Variants in PBRM1 observed in about 807,000 individuals in gnomAD.
PBRM1 encodes the protein polybromo 1.
PBRM1 carries 27 observed loss-of-function variants against 194.5 expected under a neutral mutation model. That is an observed-to-expected ratio of 0.14 (90% confidence interval 0.10 to 0.19). PBRM1 has a LOEUF of 0.19. Ranked by LOEUF, PBRM1 falls within the 10% of genes least tolerant of loss-of-function variation. PBRM1 has a pLI of 1.00. For missense variants in PBRM1, 1,466 were observed against 2,077.2 expected (o/e 0.71, Z 5.72); for synonymous variants, 655 against 693.2 (o/e 0.94, Z 0.87).
intron 10 of PBRM1, among the ~76,000 whole-genome samples, chr3:52,641,464 G>GAAAAAAAAAAAAA (rs560822967): frequency 9.5e-6 from 1 of 104,862 alleles, no homozygotes; most frequent in Admixed American, 1.0e-4. Context: ...AAAAAAAAAA[G>GAAAAAAAAAAAAA]AAAAAAAAAA....
At chr3:52,549,023 G>GTTT (rs530711822) in intron 29 of PBRM1, among the ~76,000 whole-genome samples, 2 of 138,372 alleles carry the variant, frequency 1.4e-5, no homozygotes, top group Admixed American at 7.3e-5. Context: ...AGGTAAAATA[G>GTTT]TTTTTTTTTT....
At chr3:52,677,112 CAT>C (rs1342662750) in intron 2 of PBRM1, among the ~76,000 whole-genome samples, 1 of 152,138 alleles carries the variant, frequency 6.6e-6, no homozygotes, top group Non-Finnish European at 1.5e-5. Flanking sequence ...AATACAAAAA[CAT>C]AGGGGAAAAG....
intron 5 of PBRM1, among the ~76,000 whole-genome samples, chr3:52,657,916 C>T (rs906827900): frequency 8.5e-5 from 13 of 152,078 alleles, no homozygotes; most frequent in Non-Finnish European, 1.8e-4. Flanking sequence ...CTCACCCTCC[C>T]GAGTAGCTGG....
At chr3:52,630,456 A>G (rs1486926088) in intron 11 of PBRM1, among the ~76,000 whole-genome samples, 2 of 152,268 alleles carry the variant, frequency 1.3e-5, no homozygotes, top group African/African-American at 4.8e-5. Context: ...CACTAGCCAC[A>G]TTTCAAGTGC....
intron 12 of PBRM1, 33 bp from the exon 14 acceptor site, chr3:52,627,403 A>ACGCC: frequency 7.5e-7 from 1 of 1,334,280 alleles, no homozygotes; most frequent in Non-Finnish European, 1.1e-6. Flanking sequence ...AGTTGAGCTC[A>ACGCC]TGTGCCAAAC....
At chr3:52,571,287 C>T (rs1173821380) in intron 22 of PBRM1, among the ~76,000 whole-genome samples, 2 of 142,498 alleles carry the variant, frequency 1.4e-5, no homozygotes, top group Non-Finnish European at 3.0e-5. Flanking sequence ...TGTGCCACTG[C>T]ACTGCAGCCT....
At chr3:52,573,609 T>G (rs753294194) in intron 22 of PBRM1, among the ~76,000 whole-genome samples, 9 of 152,194 alleles carry the variant, frequency 5.9e-5, no homozygotes, top group Non-Finnish European at 1.3e-4. Flanking sequence ...TGTAACACAT[T>G]CTAACAGGCA....
chr3:52,638,985 T>TGGG (rs1560631347), intron 10 of PBRM1, among the ~76,000 whole-genome samples: 50 of 47,778 alleles, frequency 1.0e-3, no homozygotes, highest in African/African-American at 3.8e-3. Flanking sequence ...ACATTTTTTT[T>TGGG]TGGGGGGGGG....
chr3:52,661,734 A>G (rs574982239), intron 4 of PBRM1, among the ~76,000 whole-genome samples: 3 of 152,230 alleles, frequency 2.0e-5, no homozygotes, highest in Non-Finnish European at 4.4e-5. Context: ...GGTTCTAGGA[A>G]CAGTAACTAT....
At chr3:52,576,805 G>A (rs529892166) in intron 21 of PBRM1, 107 bp from the exon 24 acceptor site, 1 of 690,690 alleles carries the variant, frequency 1.4e-6, no homozygotes, top group Non-Finnish European at 2.3e-6. Flanking sequence ...ACCATTCAGA[G>A]GAGTTTCACT....
intron 6 of PBRM1, among the ~76,000 whole-genome samples, chr3:52,649,196 G>T (rs548737368): frequency 6.6e-6 from 1 of 152,236 alleles, no homozygotes; most frequent in East Asian, 1.9e-4. Context: ...TGCCTCGTGG[G>T]ACTACCAACA....
chr3:52,632,515 G>A (rs886134037), intron 11 of PBRM1, among the ~76,000 whole-genome samples: 1 of 152,218 alleles, frequency 6.6e-6, no homozygotes, highest in Middle Eastern at 3.4e-3. Context: ...CCAGAGGTTC[G>A]AGTTGATCAT....
rs948005858 is a variant in PBRM1 at position 52,548,295 on chromosome 3, A to C, written c.4898-60T>G. Reference sequence around the variant, plus strand: ...ATTTTAAGTTGGCAAAATTTCCCTCAGTTCTAAGGTCTGACGAACTTATTA... The same window carrying C: ...ATTTTAAGTTGGCAAAATTTCCCTCCGTTCTAAGGTCTGACGAACTTATTA... On this transcript the variant is annotated intron_variant, in intron 29 of 29. Transcript: ENST00000296302. The C allele has an allele frequency of 5.3e-6, 7 of 1,328,336 alleles. No individual in the cohort carries two copies. In the African/African-American group the frequency reaches 1.1e-4, roughly 20 times the overall value. 82.3% of individuals were successfully genotyped at this position (1,328,336 alleles called of 1,614,324 possible). A position where few individuals can be genotyped will look rare whatever the true frequency, so the allele number is the denominator to read the frequency against.
At chr3:52,613,577 G>C (rs942252161) in intron 15 of PBRM1, among the ~76,000 whole-genome samples, 2 of 152,110 alleles carry the variant, frequency 1.3e-5, no homozygotes, top group East Asian at 3.9e-4. Flanking sequence ...CTCCTGGGCT[G>C]AAGTGATCCT....
At chr3:52,583,094 C>A (rs2091661746) in intron 20 of PBRM1, among the ~76,000 whole-genome samples, 1 of 55,934 alleles carries the variant, frequency 1.8e-5, no homozygotes, top group Non-Finnish European at 3.5e-5. Context: ...GAGACTCCAT[C>A]TCAAAAAAAA....
At chr3:52,567,806 GTTTTTTT>G (rs1163710948) in intron 22 of PBRM1, among the ~76,000 whole-genome samples, 1 of 98,152 alleles carries the variant, frequency 1.0e-5, no homozygotes, top group Non-Finnish European at 2.2e-5. Context: ...TAATTTTTGT[GTTTTTTT>G]TTTTTTTTTT....
chr3:52,547,537 G>A, downstream of PBRM1: 1 of 233,566 alleles, frequency 4.3e-6, no homozygotes, highest in East Asian at 6.1e-5. Flanking sequence ...TGCAGAAAGT[G>A]GCTTAAGATA....
At chr3:52,559,452 TAGA>T (rs1348122874) in intron 25 of PBRM1, among the ~76,000 whole-genome samples, 9 of 152,042 alleles carry the variant, frequency 5.9e-5, no homozygotes, top group African/African-American at 2.2e-4. Context: ...CATTCATAAA[TAGA>T]AGATCCCCCC....
exon 14 of PBRM1, chr3:52,617,427 G>A (rs1464546658): frequency 6.8e-6 from 11 of 1,613,568 alleles, no homozygotes; most frequent in Non-Finnish European, 9.3e-6. Flanking sequence ...AGTCCTTTTT[G>A]GATGGTTTAA....
Sources: allele counts gnomAD v4.1 joint callset (sites outside exome capture counted in the v4.1 genomes callset), GRCh38; gene constraint gnomAD v4.1.1; transcripts MANE v1.5; gene names NCBI Gene and HGNC (gene_info 2026-07-23, HGNC 2026-07-21).